The following RBBP8 variants were observed in gnomAD, a reference collection of about 807,000 sequenced individuals.
RBBP8 encodes the protein RB binding protein 8, endonuclease, also known as DNA endonuclease RBBP8.
In RBBP8, 88 loss-of-function variants were observed where a neutral mutation model predicts 108.3. The observed-to-expected ratio is 0.81, with a 90% CI of 0.68 to 0.97. The LOEUF (loss-of-function observed/expected upper bound fraction) is 0.97. Among genes scored for constraint, RBBP8 ranks in the 50% least tolerant of loss-of-function variants. RBBP8 has a pLI of 0.00. For missense variants in RBBP8, 1,023 were observed against 1,049.0 expected, an observed-to-expected ratio of 0.98 and a Z score of 0.34; for synonymous variants, 332 against 348.2, an observed-to-expected ratio of 0.95 and a Z score of 0.52.
At position 22,949,209 on chromosome 18, in the gene RBBP8, C is replaced by T. The variant is rs1014694178; in HGVS notation, c.153-409C>T. Among the ~76,000 whole-genome samples the T allele has an allele frequency of 7.9e-5, 12 of 152,252 alleles. No homozygotes were observed. In the Middle Eastern group the frequency reaches 0.01, roughly 129 times the overall value. The stretch of plus-strand genomic sequence containing the variant: ...TCTGGGCGTAGGGTTCCCGTTCGTC[C>T]ACTTCACTGTAAGCTCTGACTTAAA... On this transcript the variant is annotated intron_variant, in intron 3 of 18. Coordinates refer to ENST00000327155, the MANE Select transcript of RBBP8 (RefSeq NM_002894.3).
At chr18:22,922,827 A>G (rs556485452) in intron 3 of RBBP8, among the ~76,000 whole-genome samples, 13 of 152,300 alleles carry the variant, frequency 8.5e-5, no homozygotes, top group African/African-American at 2.6e-4. Context: ...TCTCCTTTCT[A>G]TATAATTTTG....
intron 1 of RBBP8, chr18:22,934,059 G>A (rs533007652): frequency 6.6e-6 from 1 of 152,580 alleles, no homozygotes; most frequent in African/African-American, 2.4e-5. Flanking sequence ...AATACCTGTG[G>A]TGTGGCAGCG....
At position 22,945,990 on chromosome 18, in the gene RBBP8, A is replaced by T. The variant is rs9946968; in HGVS notation, c.110-454A>T. Among the ~76,000 whole-genome samples, 7 of 152,188 alleles carry T rather than the reference A, an allele frequency of 4.6e-5. No individual in the cohort carries two copies. The East Asian group carries it at 1.3e-3, about 29-fold the overall frequency. On this transcript the variant is annotated intron_variant, in intron 2 of 18. Transcript: ENST00000327155. The stretch of plus-strand genomic sequence containing the variant: ...TTAAAATTAAAAATTCATGTAATAG[A>T]TATCTTGAGATAAAACATTCATGCC...
intron 6 of RBBP8, among the ~76,000 whole-genome samples, chr18:22,976,294 C>A (rs1193505509): frequency 2.0e-5 from 3 of 152,050 alleles, no homozygotes; most frequent in African/African-American, 7.2e-5. Flanking sequence ...AGGAAAGGAA[C>A]CTATGAGATC....
intron 16 of RBBP8, among the ~76,000 whole-genome samples, chr18:23,014,638 AAACT>A (rs1391466927): frequency 6.6e-6 from 1 of 152,140 alleles, no homozygotes; most frequent in African/African-American, 2.4e-5. Context: ...GTCTTAAAAC[AAACT>A]AACTAAATAA....
At chr18:22,959,880 T>TTC (rs1912925789) in intron 4 of RBBP8, among the ~76,000 whole-genome samples, 2 of 146,888 alleles carry the variant, frequency 1.4e-5, no homozygotes, top group Non-Finnish European at 3.0e-5. Flanking sequence ...CTTTTTTTTT[T>TTC]TTTTTTTTTT....
chr18:22,944,255 A>G (rs1911355901), intron 2 of RBBP8, among the ~76,000 whole-genome samples: 1 of 152,220 alleles, frequency 6.6e-6, no homozygotes, highest in South Asian at 2.1e-4. Context: ...AATGCCTCAC[A>G]GGTGTTGAAT....
At chr18:22,914,738 G>A (rs191597558) in intron 1 of RBBP8, among the ~76,000 whole-genome samples, 78 of 152,188 alleles carry the variant, frequency 5.1e-4, no homozygotes, top group Admixed American at 1.4e-3. Flanking sequence ...AGCATTGGCC[G>A]GCTGGTGATC....
rs188952211 is a variant in RBBP8, at chr18:23,021,360, A to G, written c.2455-769A>G. Reference sequence around the variant, plus strand: ...AACACAGGAGTGGGAGGTTGCAGTGAGCCAAGATCGTGCCACTGCACCCCA... The same window carrying G: ...AACACAGGAGTGGGAGGTTGCAGTGGGCCAAGATCGTGCCACTGCACCCCA... On this transcript the variant is annotated intron_variant, in intron 17 of 18. Coordinates refer to ENST00000327155, the MANE Select transcript of RBBP8 (RefSeq NM_002894.3). 1.4e-3 allele frequency among the ~76,000 whole-genome samples: 220 copies of G among 152,320 alleles called. 1 individual carries two copies. Among genetic ancestry groups the G allele is most frequent in the Middle Eastern group, 0.014 (4 of 294 alleles).
intron 16 of RBBP8, among the ~76,000 whole-genome samples, chr18:23,008,975 G>T (rs929612707): frequency 3.3e-5 from 5 of 151,592 alleles, no homozygotes; most frequent in Non-Finnish European, 2.9e-5. Flanking sequence ...GGGTTTCACC[G>T]TGTTAGCCAG....
intron 4 of RBBP8, among the ~76,000 whole-genome samples, chr18:22,967,381 A>G (rs964875880): frequency 6.6e-6 from 1 of 151,444 alleles, no homozygotes; most frequent in Non-Finnish European, 1.5e-5. Flanking sequence ...AAAAAAAAAA[A>G]CAATTATCTT....
Position 22,939,620 on chromosome 18 carries a change from C to T in RBBP8, c.109+2660C>T, listed in dbSNP as rs1910884498. Among the ~76,000 whole-genome samples the T allele has an allele frequency of 2.6e-5, 4 of 152,162 alleles. No homozygotes were observed. In the South Asian group the frequency reaches 8.3e-4, roughly 32 times the overall value. On this transcript the variant is annotated intron_variant, in intron 2 of 18. Transcript: ENST00000327155. Reference sequence around the variant, plus strand: ...TTAATGAGTTTTGAAATATGAACAACCCCAAAAGTATTCTTTCAAGCCCCA... The same window carrying T: ...TTAATGAGTTTTGAAATATGAACAATCCCAAAAGTATTCTTTCAAGCCCCA...
At chr18:23,020,808 T>G (rs2046336087) in intron 17 of RBBP8, among the ~76,000 whole-genome samples, 1 of 152,186 alleles carries the variant, frequency 6.6e-6, no homozygotes, top group South Asian at 2.1e-4. Flanking sequence ...CTCAAATATG[T>G]TTTAATTCAG....
At chr18:22,980,452 G>A (rs1284689119) in intron 6 of RBBP8, among the ~76,000 whole-genome samples, 1 of 152,144 alleles carries the variant, frequency 6.6e-6, no homozygotes, top group Non-Finnish European at 1.5e-5. Flanking sequence ...CTGGGGATGA[G>A]CATTCCAAGC....
chr18:22,925,432 G>A (rs1469740600), intron 3 of RBBP8, among the ~76,000 whole-genome samples: 1 of 151,920 alleles, frequency 6.6e-6, no homozygotes, highest in East Asian at 1.9e-4. Flanking sequence ...GATTAACATG[G>A]ATTAGAAAAA....
rs1393445370 is a variant in RBBP8, at chr18:22,997,695, A to C, written c.2104A>C (p.Lys702Gln). The part of the protein sequence containing the change: ...CTLVSETVLL[K>Q]MKKQEQKGEK... ...ATTGGTTAGTGAAACCGTTCTCTTA[A>C]AAATGAAGAAGCAAGAGCAGAAGGG... is the stretch of plus-strand genomic sequence containing the variant. Residue 702 changes from lysine (K) to glutamine (Q), a missense_variant, in exon 14 of 19, where the codon AAA becomes CAA. Transcript: ENST00000327155. 1 of 1,607,954 alleles carries C rather than the reference A, an allele frequency of 6.2e-7. No individual in the cohort carries two copies. Among genetic ancestry groups the C allele is most frequent in the Admixed American group, 1.7e-5 (1 of 59,712 alleles).
At chr18:22,978,408 G>T (rs1022255353) in intron 6 of RBBP8, among the ~76,000 whole-genome samples, 1 of 152,120 alleles carries the variant, frequency 6.6e-6, no homozygotes, top group Admixed American at 6.5e-5. Flanking sequence ...GATGAACTTG[G>T]TTAACATATG....
chr18:23,017,741 C>CTTTTTTTTTT (rs928545363), intron 17 of RBBP8, among the ~76,000 whole-genome samples: 2 of 89,188 alleles, frequency 2.2e-5, no homozygotes, highest in African/African-American at 1.0e-4. Context: ...AATATAAGTT[C>CTTTTTTTTTT]TTTTTTTTTT....
intron 2 of RBBP8, among the ~76,000 whole-genome samples, chr18:22,937,330 G>T (rs1309764999): frequency 6.6e-6 from 1 of 152,030 alleles, no homozygotes; most frequent in Non-Finnish European, 1.5e-5. Context: ...TCTGCTCAGG[G>T]TAATGGCTTC....
Sources: gnomAD v4.1 joint callset for allele counts (sites outside exome capture counted in the v4.1 genomes callset) on GRCh38, gnomAD v4.1.1 for gene constraint, MANE v1.5 for transcripts, NCBI Gene and HGNC (gene_info 2026-07-23, HGNC 2026-07-21) for gene names.